The following STXBP5L variants were observed in gnomAD, a reference collection of about 807,000 sequenced individuals.
The protein encoded by STXBP5L is syntaxin-binding protein 5-like.
A neutral mutation model predicts 144.5 loss-of-function variants in STXBP5L; 65 were observed. The observed-to-expected ratio is 0.45, with a 90% confidence interval of 0.37 to 0.55. STXBP5L has a LOEUF of 0.55. Ranked by LOEUF, STXBP5L falls within the 20% of genes least tolerant of loss-of-function variation. The probability of loss-of-function intolerance (pLI) is 0.00; values close to 1 mark genes in which losing one functional copy is unlikely to be tolerated. For missense variants in STXBP5L, 1,298 were observed against 1,405.5 expected, an observed-to-expected ratio of 0.92 and a Z score of 1.22; for synonymous variants, 505 against 469.6, an observed-to-expected ratio of 1.08 and a Z score of -0.97.
Position 121,171,308 on chromosome 3 carries a change from G to A in STXBP5L, c.877+13681G>A, listed in dbSNP as rs555093284. Among the ~76,000 whole-genome samples the A allele has an allele frequency of 1.5e-3, 222 of 152,246 alleles. 1 individual carries two copies. Among genetic ancestry groups the A allele is most frequent in the African/African-American group, 5.0e-3 (208 of 41,548 alleles). On this transcript the variant is annotated intron_variant, in intron 9 of 26. Coordinates refer to ENST00000471454, the MANE Select transcript of STXBP5L (RefSeq NM_001308330.2). ...TTGAAAACTGGCACAAGACAAGGATGGCATCTCTCACCACTGCTATTCAAC... is the reference window on the plus strand; with the variant it reads ...TTGAAAACTGGCACAAGACAAGGATAGCATCTCTCACCACTGCTATTCAAC...
At chr3:121,157,430 T>C in intron 8 of STXBP5L, 74 bp from the exon 9 acceptor site, 1 of 1,397,530 alleles carries the variant, frequency 7.2e-7, no homozygotes, top group Non-Finnish European at 9.4e-7. Flanking sequence ...AGAATAGTTT[T>C]TCTTTGGAAT....
chr3:121,418,982 C>T (rs2047305163), intron 26 of STXBP5L, 74 bp from the exon 27 acceptor site: 1 of 1,478,228 alleles, frequency 6.8e-7, no homozygotes, highest in Admixed American at 2.1e-5. Context: ...GCATGATTAG[C>T]TCAAAATGGC....
At chr3:121,004,321 G>C in intron 3 of STXBP5L, among the ~76,000 whole-genome samples, 1 of 151,680 alleles carries the variant, frequency 6.6e-6, no homozygotes, top group Non-Finnish European at 1.5e-5. Flanking sequence ...AATTGTGAAT[G>C]GGAGTTCACT....
chr3:121,139,529 C>T (rs969123738), intron 7 of STXBP5L, among the ~76,000 whole-genome samples: 2 of 152,012 alleles, frequency 1.3e-5, no homozygotes, highest in African/African-American at 2.4e-5. Flanking sequence ...GGCAATGTGG[C>T]TCAGAGTCAA....
At chr3:121,229,304 T>C (rs926289795) in intron 11 of STXBP5L, among the ~76,000 whole-genome samples, 1 of 152,176 alleles carries the variant, frequency 6.6e-6, no homozygotes, top group East Asian at 1.9e-4. Context: ...CCTTCCTAAA[T>C]CCACATTTTG....
chr3:121,260,716 A>G (rs1015062675), intron 18 of STXBP5L, among the ~76,000 whole-genome samples: 3 of 152,094 alleles, frequency 2.0e-5, no homozygotes, highest in African/African-American at 7.2e-5. Flanking sequence ...ATTACCTTAT[A>G]TATTTCACTT....
At chr3:121,068,837 T>C (rs2107654418) in intron 5 of STXBP5L, among the ~76,000 whole-genome samples, 1 of 152,324 alleles carries the variant, frequency 6.6e-6, no homozygotes, top group South Asian at 2.1e-4. Flanking sequence ...CTTTATTCTT[T>C]ATTTTACTGC....
chr3:120,991,151 C>G (rs949237933), intron 3 of STXBP5L, among the ~76,000 whole-genome samples: 41 of 151,716 alleles, frequency 2.7e-4, no homozygotes, highest in African/African-American at 9.4e-4. Context: ...ACAAACAACC[C>G]CATCAACAAG....
chr3:121,417,619 C>T (rs1036611433), intron 25 of STXBP5L, among the ~76,000 whole-genome samples: 1 of 152,122 alleles, frequency 6.6e-6, no homozygotes, highest in Non-Finnish European at 1.5e-5. Flanking sequence ...GCACATGTCA[C>T]CACTCCCGGC....
chr3:121,177,758 C>G (rs1051582262), intron 9 of STXBP5L, among the ~76,000 whole-genome samples: 1 of 152,170 alleles, frequency 6.6e-6, no homozygotes, highest in Admixed American at 6.5e-5. Context: ...ACTATTTGAT[C>G]TACCAGTTTC....
At chr3:121,095,619 C>G (rs1042954571) in intron 5 of STXBP5L, among the ~76,000 whole-genome samples, 1 of 152,150 alleles carries the variant, frequency 6.6e-6, no homozygotes, top group Admixed American at 6.5e-5. Context: ...GTTCTCATGC[C>G]ATGGTTTTTA....
intron 20 of STXBP5L, among the ~76,000 whole-genome samples, chr3:121,336,631 A>T (rs1051662021): frequency 2.6e-5 from 4 of 152,194 alleles, no homozygotes; most frequent in Admixed American, 2.0e-4. Flanking sequence ...GGTTGCAGAG[A>T]AAAGGGAATG....
chr3:120,979,843 T>G (rs1329279167), intron 3 of STXBP5L, among the ~76,000 whole-genome samples: 1 of 152,230 alleles, frequency 6.6e-6, no homozygotes, highest in Non-Finnish European at 1.5e-5. Flanking sequence ...TATTATCTTT[T>G]TAAGGTAGGC....
chr3:121,108,927 C>G (rs2043843811), intron 5 of STXBP5L, among the ~76,000 whole-genome samples: 2 of 152,132 alleles, frequency 1.3e-5, no homozygotes, highest in Admixed American at 6.5e-5. Flanking sequence ...TAACTTCTTC[C>G]TGGTTCAGTC....
At chr3:121,380,338 T>A (rs2046294178) in intron 21 of STXBP5L, among the ~76,000 whole-genome samples, 2 of 152,112 alleles carry the variant, frequency 1.3e-5, no homozygotes, top group Non-Finnish European at 2.9e-5. Context: ...AATACTATAT[T>A]TTGTTTCCTA....
intron 9 of STXBP5L, among the ~76,000 whole-genome samples, chr3:121,164,803 T>A (rs915101646): frequency 6.6e-6 from 1 of 152,172 alleles, no homozygotes; most frequent in African/African-American, 2.4e-5. Context: ...GGAAAAGTAT[T>A]GCATTGTCTC....
At chr3:121,253,974 C>CA (rs770654932) in intron 15 of STXBP5L, among the ~76,000 whole-genome samples, 192 of 151,770 alleles carry the variant, frequency 1.3e-3, no homozygotes, top group South Asian at 2.7e-3. Context: ...TTCTTTACGA[C>CA]AAAAAAATCC....
intron 5 of STXBP5L, among the ~76,000 whole-genome samples, chr3:121,072,567 A>G (rs2041852213): frequency 6.6e-6 from 1 of 152,184 alleles, no homozygotes; most frequent in African/African-American, 2.4e-5. Context: ...CTTTCTGGTA[A>G]CTTCCACTCT....
chr3:121,119,407 G>A (rs1467103933), intron 6 of STXBP5L, among the ~76,000 whole-genome samples: 1 of 151,186 alleles, frequency 6.6e-6, no homozygotes, highest in Non-Finnish European at 1.5e-5. Context: ...GGCAGTCTAG[G>A]ACAGGATACC....
Sources: gnomAD v4.1 joint callset for allele counts (sites outside exome capture counted in the v4.1 genomes callset) on GRCh38, gnomAD v4.1.1 for gene constraint, MANE v1.5 for transcripts, NCBI Gene and HGNC (gene_info 2026-07-23, HGNC 2026-07-21) for gene names.